The following FRMD4A variants were observed in gnomAD, a reference collection of about 807,000 sequenced individuals.
FRMD4A encodes FERM domain-containing protein 4A.
A neutral mutation model predicts 129.1 loss-of-function variants in FRMD4A; 29 were observed. The observed-to-expected ratio is 0.22, with a 90% CI of 0.17 to 0.31. The LOEUF (loss-of-function observed/expected upper bound fraction) is 0.31. Ranked by LOEUF, FRMD4A falls within the 10% of genes least tolerant of loss-of-function variation. FRMD4A has a pLI of 1.00. For missense variants in FRMD4A, 1,272 were observed against 1,375.8 expected (o/e 0.92, Z 1.19); for synonymous variants, 634 against 571.6 (o/e 1.11, Z -1.56).
At chr10:13,675,375 G>C (rs1474799425) in intron 15 of FRMD4A, among the ~76,000 whole-genome samples, 1 of 152,152 alleles carries the variant, frequency 6.6e-6, no homozygotes, top group Non-Finnish European at 1.5e-5. Flanking sequence ...GGAAAGAAAA[G>C]CTCATGTCAG....
chr10:14,066,008 T>TGTGTG (rs1588899002), intron 2 of FRMD4A, among the ~76,000 whole-genome samples: 144 of 139,222 alleles, frequency 1.0e-3, no homozygotes, highest in African/African-American at 3.4e-3. Flanking sequence ...GGGTATGTAT[T>TGTGTG]TGTGTGTGTG....
At position 14,117,836 on chromosome 10, in the gene FRMD4A, A is replaced by G. The variant is rs927450825; in HGVS notation, c.45+212222T>C. On this transcript the variant is annotated intron_variant, in intron 2 of 24. Coordinates refer to ENST00000357447, the MANE Select transcript of FRMD4A (RefSeq NM_018027.5). ...AGCAGAAAGGAGTCCTTGTGAGTGT[A>G]GGTCCTCCAAGAAGAACTGAATTGC... Among the ~76,000 whole-genome samples the G allele has an allele frequency of 2.0e-5, 3 of 152,170 alleles. No individual in the cohort carries two copies. The East Asian group carries it at 5.8e-4, about 29-fold the overall frequency.
chr10:14,262,693 C>CAGAG (rs1449570753), intron 2 of FRMD4A, among the ~76,000 whole-genome samples: 3 of 152,122 alleles, frequency 2.0e-5, no homozygotes, highest in African/African-American at 7.2e-5. Flanking sequence ...TTTCTTCTTG[C>CAGAG]AGAGCTTCCG....
intron 17 of FRMD4A, 121 bp downstream of exon 17, chr10:13,670,285 G>A (rs1390059972): frequency 1.0e-6 from 1 of 974,226 alleles, no homozygotes; most frequent in African/African-American, 1.6e-5. Context: ...GAAAAGGTAT[G>A]AGCGAAAATA....
At chr10:13,771,019 T>C (rs1450586743) in intron 6 of FRMD4A, among the ~76,000 whole-genome samples, 1 of 152,160 alleles carries the variant, frequency 6.6e-6, no homozygotes, top group Non-Finnish European at 1.5e-5. Context: ...TATTTCAATA[T>C]CAACAAGAGT....
intron 2 of FRMD4A, among the ~76,000 whole-genome samples, chr10:13,909,138 G>T (rs80061901): frequency 0.11 from 16,603 of 152,208 alleles, 1,106 homozygotes; most frequent in Non-Finnish European, 0.15. Flanking sequence ...CCTCTGGAAT[G>T]TAAGCCCTTT....
At chr10:13,654,047 C>G in intron 23 of FRMD4A, 1 of 425,918 alleles carries the variant, frequency 2.3e-6, no homozygotes, top group Non-Finnish European at 4.1e-6. Context: ...TTCATCAGCT[C>G]TCTTTCTCCC....
chr10:13,819,312 C>A (rs1470260680), intron 3 of FRMD4A, among the ~76,000 whole-genome samples: 1 of 152,056 alleles, frequency 6.6e-6, no homozygotes, highest in Non-Finnish European at 1.5e-5. Flanking sequence ...CTAAAGAAAA[C>A]ACTGATCTCA....
At chr10:13,975,892 T>C (rs2131394053) in intron 2 of FRMD4A, among the ~76,000 whole-genome samples, 1 of 152,332 alleles carries the variant, frequency 6.6e-6, no homozygotes, top group South Asian at 2.1e-4. Flanking sequence ...ACATGTGACC[T>C]GGACCGGTCT....
At chr10:14,089,350 C>T (rs2614152) in intron 2 of FRMD4A, among the ~76,000 whole-genome samples, 66,848 of 151,800 alleles carry the variant, frequency 0.44, 14,999 homozygotes, top group East Asian at 0.7. Context: ...GCCCACCAGC[C>T]CCGCAGTGCA....
chr10:13,651,861 A>G, intron 24 of FRMD4A, 42 bp downstream of exon 24: 2 of 953,508 alleles, frequency 2.1e-6, no homozygotes, highest in Non-Finnish European at 3.5e-6. Flanking sequence ...ATGTGGGACC[A>G]CAGACTCATG....
At chr10:13,649,231 C>T (rs572535155) in intron 24 of FRMD4A, 1 of 152,270 alleles carries the variant, frequency 6.6e-6, no homozygotes, top group East Asian at 1.9e-4. Flanking sequence ...TAAAAGTGCA[C>T]TATGTATTGA....
chr10:13,678,721 T>C (rs1446704573), intron 15 of FRMD4A, among the ~76,000 whole-genome samples: 1 of 152,244 alleles, frequency 6.6e-6, no homozygotes, highest in African/African-American at 2.4e-5. Context: ...GTGTAACACT[T>C]GAGGTCCAAA....
At chr10:13,984,235 G>A (rs549052578) in intron 2 of FRMD4A, among the ~76,000 whole-genome samples, 1 of 152,174 alleles carries the variant, frequency 6.6e-6, no homozygotes, top group Non-Finnish European at 1.5e-5. Flanking sequence ...GAAGTCGAAC[G>A]TGTGTCCAGA....
At chr10:14,167,034 G>A (rs964763928) in intron 2 of FRMD4A, among the ~76,000 whole-genome samples, 5 of 152,138 alleles carry the variant, frequency 3.3e-5, no homozygotes, top group Non-Finnish European at 5.9e-5. Flanking sequence ...CACATCAACA[G>A]GGTGATGATA....
chr10:13,971,949 C>T (rs925879133), intron 2 of FRMD4A: 11 of 1,211,974 alleles, frequency 9.1e-6, no homozygotes, highest in Non-Finnish European at 1.2e-5. Flanking sequence ...TCTGACTCTC[C>T]TCCCCCTACC....
At chr10:13,712,863 G>A (rs2088173813) in intron 12 of FRMD4A, among the ~76,000 whole-genome samples, 1 of 152,244 alleles carries the variant, frequency 6.6e-6, no homozygotes, top group Non-Finnish European at 1.5e-5. Context: ...AATGAGCAGG[G>A]ACCAGTTACT....
intron 2 of FRMD4A, among the ~76,000 whole-genome samples, chr10:14,183,264 A>C (rs974488306): frequency 2.6e-5 from 4 of 152,236 alleles, no homozygotes; most frequent in African/African-American, 7.2e-5. Context: ...GACAGAGTTC[A>C]CTTTATATCA....
intron 2 of FRMD4A, among the ~76,000 whole-genome samples, chr10:14,289,987 G>GAA (rs939214066): frequency 6.6e-6 from 1 of 151,480 alleles, no homozygotes; most frequent in African/African-American, 2.4e-5. Context: ...AGGAAATTAA[G>GAA]AAAAAAATCC....
Sources: allele counts gnomAD v4.1 joint callset (sites outside exome capture counted in the v4.1 genomes callset), GRCh38; gene constraint gnomAD v4.1.1; transcripts MANE v1.5; gene names NCBI Gene and HGNC (gene_info 2026-07-23, HGNC 2026-07-21).